LMO2: variants seen among roughly 807,000 people sequenced by gnomAD.
LMO2 encodes LIM domain only 2.
Under a neutral mutation model 23.2 loss-of-function variants are expected in LMO2, and 20 were observed. The ratio of observed to expected loss-of-function variants is 0.86; its 90% CI spans 0.61 to 1.25. LMO2 has a LOEUF of 1.25. Among genes scored for constraint, LMO2 ranks in the 50% most tolerant of loss-of-function variants. The probability of loss-of-function intolerance (pLI) is 0.00; values close to 1 mark genes in which losing one functional copy is unlikely to be tolerated. For synonymous variants in LMO2, 123 were observed against 130.2 expected (o/e 0.94, Z 0.38); for missense variants, 270 against 315.3 (o/e 0.86, Z 1.09).
Position 33,869,521 on chromosome 11 carries a change from TCCGCTTGCTCCGGCGCTCCG to T in LMO2, c.53_72del (p.Ala18GlufsTer64). ...CCGCCGTCGCCGCCGCTCCTGCGCC[TCCGCTTGCTCCGGCGCTCCG>T]CCGGCGAGCTCGCCCCTCCGCGCTC... On this transcript the variant is annotated frameshift_variant, in exon 4 of 6. Coordinates refer to ENST00000257818, the MANE Select transcript of LMO2 (RefSeq NM_005574.4). LOFTEE classifies it high-confidence loss of function. 1 of 1,230,524 alleles carries T rather than the reference TCCGCTTGCTCCGGCGCTCCG, an allele frequency of 8.1e-7. No individual in the cohort carries two copies. Among genetic ancestry groups the T allele is most frequent in the Non-Finnish European group, 1.0e-6 (1 of 978,348 alleles). 76.2% of individuals were successfully genotyped at this position (1,230,524 alleles called of 1,614,324 possible). A position where few individuals can be genotyped will look rare whatever the true frequency, so the allele number is the denominator to read the frequency against.
At chr11:33,870,267 G>T in intron 2 of LMO2, 1 of 759,682 alleles carries the variant, frequency 1.3e-6, no homozygotes, top group Non-Finnish European at 1.6e-6. Flanking sequence ...TTTCCCTTTT[G>T]GTTTAACTAA....
chr11:33,882,423 C>G (rs1320183189), intron 1 of LMO2, among the ~76,000 whole-genome samples: 2 of 152,174 alleles, frequency 1.3e-5, no homozygotes, highest in African/African-American at 4.8e-5. Flanking sequence ...GAAATTAGGC[C>G]AAAGCCCTTT....
intron 1 of LMO2, among the ~76,000 whole-genome samples, chr11:33,890,916 G>T (rs922186089): frequency 2.0e-5 from 3 of 152,290 alleles, no homozygotes; most frequent in Non-Finnish European, 2.9e-5. Flanking sequence ...AATTTTAACA[G>T]ATAAAGACAG....
At chr11:33,860,985 G>A (rs1480071424) in intron 5 of LMO2, among the ~76,000 whole-genome samples, 2 of 152,126 alleles carry the variant, frequency 1.3e-5, no homozygotes, top group South Asian at 2.1e-4. Context: ...TCAATGTCCC[G>A]GACCAGCCCT....
intron 2 of LMO2, chr11:33,870,298 C>T: frequency 1.1e-6 from 1 of 936,356 alleles, no homozygotes; most frequent in Non-Finnish European, 1.3e-6. Flanking sequence ...AACCCACGAA[C>T]AGCTCGAGCA....
chr11:33,881,591 A>G (rs1857285533), intron 2 of LMO2: 1 of 358,112 alleles, frequency 2.8e-6, no homozygotes, highest in Non-Finnish European at 5.5e-6. Flanking sequence ...AAATTATTAT[A>G]CACACTGTCT....
intron 2 of LMO2, among the ~76,000 whole-genome samples, chr11:33,876,265 G>T (rs1236554594): frequency 1.3e-5 from 2 of 152,150 alleles, no homozygotes; most frequent in Non-Finnish European, 2.9e-5. Context: ...ACAGATGTAT[G>T]TGCAGGGTTT....
rs765515606 is a variant in LMO2 at position 33,869,713 on chromosome 11, C to G, written c.4G>C (p.Glu2Gln). ...CTGCTGCTGCTCAGGACTTAACCTT[C>G]CATCCCGGTCCCGCCGCCGCCACCG... M[E>Q]GSAVTVLERG... is the part of the protein sequence containing the mutation. The change falls in exon 3 of 6, where the codon GAA becomes CAA. Residue 2 changes from glutamate to glutamine, a missense_variant. Around this residue, in one of 2 missense-constraint regions of LMO2, gnomAD observed 170 missense variants for 162.0 expected, o/e 1.05. Transcript: ENST00000257818. 3.9e-6 allele frequency: 5 copies of G among 1,294,450 alleles called. No homozygotes were observed. The highest frequency in any genetic ancestry group is 2.0e-6 in the Non-Finnish European group (2 of 1,001,736). The allele number at this position is 1,294,450 out of a possible 1,614,324, so 80.2% of individuals were successfully genotyped here. A position where few individuals can be genotyped will look rare whatever the true frequency, so the allele number is the denominator to read the frequency against.
At chr11:33,887,314 C>A (rs1857434200) in intron 1 of LMO2, among the ~76,000 whole-genome samples, 1 of 152,130 alleles carries the variant, frequency 6.6e-6, no homozygotes, top group South Asian at 2.1e-4. Context: ...ATGGTTAGGG[C>A]ATATTGTGGG....
Position 33,880,739 on chromosome 11 carries a change from G to GAT in LMO2, c.-272+1084_-272+1085insAT. The GAT allele has an allele frequency of 5.7e-6, 1 of 174,238 alleles. No individual in the cohort carries two copies. Among genetic ancestry groups the GAT allele is most frequent in the South Asian group, 1.3e-4 (1 of 7,870 alleles). 10.8% of individuals were successfully genotyped at this position (174,238 alleles called of 1,614,324 possible). A position where few individuals can be genotyped will look rare whatever the true frequency, so the allele number is the denominator to read the frequency against. On this transcript the variant is annotated intron_variant, in intron 2 of 5. Transcript: ENST00000257818. This position sits in a 1 kb window ranked among gnomAD's most constrained non-coding sequence, Gnocchi z 4.3. ...AGTTAAAGACCATTCCCTAGGTGTA[G>GAT]CTCTGTTCCTACATGCAAAATTTTA...
chr11:33,859,861 T>C (rs1402964286), intron 5 of LMO2, among the ~76,000 whole-genome samples: 1 of 152,104 alleles, frequency 6.6e-6, no homozygotes, highest in East Asian at 1.9e-4. Flanking sequence ...GCTCCTCCTC[T>C]GTGGGCAAGG....
chr11:33,869,467 C>CCTCGGGTG lies in LMO2; in HGVS notation c.119_126dup (p.Gly43HisfsTer58), dbSNP rs1219465835. On this transcript the variant is annotated frameshift_variant, in exon 4 of 6. Transcript: ENST00000257818. LOFTEE classifies it high-confidence loss of function. ...TGGCCGGCTGCCGGGGCTCGGACCCCCTCGGGTGCTCGGGCGCCGCCGCCG... is the reference window on the plus strand; with the variant it reads ...TGGCCGGCTGCCGGGGCTCGGACCCCCTCGGGTGCTCGGGTGCTCGGGCGCCGCCGCCG... The CCTCGGGTG allele has an allele frequency of 3.4e-5, 41 of 1,212,176 alleles. No homozygotes were observed. Among genetic ancestry groups the CCTCGGGTG allele is most frequent in the Non-Finnish European group, 3.9e-5 (38 of 971,790 alleles). The allele number at this position is 1,212,176 out of a possible 1,614,324, so 75.1% of individuals were successfully genotyped here.
intron 1 of LMO2, among the ~76,000 whole-genome samples, chr11:33,885,746 G>A (rs915705515): frequency 1.3e-5 from 2 of 152,224 alleles, no homozygotes; most frequent in Non-Finnish European, 2.9e-5. Context: ...CCCAAGGGAA[G>A]CTGTTTGTGC....
At chr11:33,890,995 T>C (rs774937689) in intron 1 of LMO2, among the ~76,000 whole-genome samples, 11 of 152,150 alleles carry the variant, frequency 7.2e-5, no homozygotes, top group Non-Finnish European at 1.3e-4. Context: ...TTCTTTAAGC[T>C]GAAACATTAC....
chr11:33,870,995 T>A, intron 2 of LMO2: 1 of 882,034 alleles, frequency 1.1e-6, no homozygotes, highest in Non-Finnish European at 1.4e-6. Flanking sequence ...CTGAAAGGCC[T>A]ATTTGTGCGT....
At chr11:33,891,459 T>C (rs1368284337) in intron 1 of LMO2, among the ~76,000 whole-genome samples, 1 of 151,854 alleles carries the variant, frequency 6.6e-6, no homozygotes, top group Non-Finnish European at 1.5e-5. Flanking sequence ...ATCAGAATAA[T>C]TGAGTGGTCT....
At chr11:33,885,104 A>G (rs1857374889) in intron 1 of LMO2, among the ~76,000 whole-genome samples, 1 of 152,180 alleles carries the variant, frequency 6.6e-6, no homozygotes, top group Non-Finnish European at 1.5e-5. Flanking sequence ...ATTGCAGAAC[A>G]GTCAGAAAAA....
intron 5 of LMO2, among the ~76,000 whole-genome samples, chr11:33,860,805 A>G (rs555718809): frequency 6.5e-4 from 99 of 152,176 alleles, no homozygotes; most frequent in Non-Finnish European, 1.0e-3. Flanking sequence ...CAAACAAAAA[A>G]ACAAATTCTC....
intron 2 of LMO2, chr11:33,870,525 AGGCGAT>A: frequency 1.3e-5 from 13 of 985,294 alleles, no homozygotes; most frequent in Non-Finnish European, 1.6e-5. Flanking sequence ...CGCTCTGCAG[AGGCGAT>A]GGTGGTGCGC....
Sources: gnomAD v4.1 joint callset for allele counts (sites outside exome capture counted in the v4.1 genomes callset) on GRCh38, gnomAD v4.1.1 for gene constraint, gnomAD v4.1.1 regional missense constraint, Gnocchi (gnomAD v3.1) non-coding constraint, MANE v1.5 for transcripts, NCBI Gene and HGNC (gene_info 2026-07-23, HGNC 2026-07-21) for gene names.